Variants in FNDC3B observed in about 807,000 individuals in gnomAD.
FNDC3B encodes the protein fibronectin type III domain containing 3B.
FNDC3B carries 12 observed loss-of-function variants against 151.5 expected under a neutral mutation model. The ratio of observed to expected loss-of-function variants is 0.08; its 90% CI spans 0.05 to 0.13. The LOEUF (loss-of-function observed/expected upper bound fraction) is 0.13, where lower values mean the gene tolerates loss of function less well. Ranked by LOEUF, FNDC3B falls within the 10% of genes least tolerant of loss-of-function variation. The pLI, the probability that FNDC3B is intolerant of heterozygous loss-of-function variation, is 1.00. For missense variants in FNDC3B, 1,214 were observed against 1,505.3 expected, an observed-to-expected ratio of 0.81 and a Z score of 3.20; for synonymous variants, 528 against 549.0, an observed-to-expected ratio of 0.96 and a Z score of 0.54.
chr3:172,232,531 T>C (rs1726943591), intron 4 of FNDC3B, among the ~76,000 whole-genome samples: 1 of 152,212 alleles, frequency 6.6e-6, no homozygotes, highest in African/African-American at 2.4e-5. Flanking sequence ...TCATTTCAGC[T>C]TGGTGGTTTC....
chr3:172,102,901 GA>G (rs1352952224), intron 1 of FNDC3B, among the ~76,000 whole-genome samples: 1 of 152,132 alleles, frequency 6.6e-6, no homozygotes, highest in African/African-American at 2.4e-5. Context: ...AAATTTCACT[GA>G]AAATCTATAT....
At chr3:172,244,617 C>CTTTTTTTTTTTTTTTTTTT (rs11294678) in intron 4 of FNDC3B, among the ~76,000 whole-genome samples, 1 of 73,062 alleles carries the variant, frequency 1.4e-5, no homozygotes, top group Non-Finnish European at 2.3e-5. Context: ...AATATTTCAC[C>CTTTTTTTTTTTTTTTTTTT]TTTTTTTTTT....
At chr3:172,336,639 G>A (rs1220795474) in intron 15 of FNDC3B, among the ~76,000 whole-genome samples, 12 of 152,174 alleles carry the variant, frequency 7.9e-5, no homozygotes, top group Non-Finnish European at 1.8e-4. Flanking sequence ...GGTGGCTCAT[G>A]CCTGTAATCC....
rs186234347 is a variant in FNDC3B at position 172,239,379 on chromosome 3, G to A, written c.265-8154G>A. 3.2e-3 allele frequency among the ~76,000 whole-genome samples: 492 copies of A among 152,232 alleles called. 1 individual carries two copies. The highest frequency in any genetic ancestry group is 0.011 in the African/African-American group (469 of 41,524). On this transcript the variant is annotated intron_variant, in intron 4 of 25. Coordinates refer to ENST00000415807, the MANE Select transcript of FNDC3B (RefSeq NM_022763.4). Reference sequence around the variant, plus strand: ...ATCTTCTCTTCCTGGAATGACCTGGGATCCCACTTTAGGCATGTTGGCAGC... The same window carrying A: ...ATCTTCTCTTCCTGGAATGACCTGGAATCCCACTTTAGGCATGTTGGCAGC...
chr3:172,329,166 G>A, intron 12 of FNDC3B, 90 bp downstream of exon 12: 2 of 1,423,646 alleles, frequency 1.4e-6, no homozygotes, highest in Non-Finnish European at 1.9e-6. Context: ...GAGGAAGCCT[G>A]CTGCCTCCAC....
intron 4 of FNDC3B, among the ~76,000 whole-genome samples, chr3:172,239,856 C>CT (rs71179981): frequency 0.035 from 1,759 of 49,904 alleles, 447 homozygotes; most frequent in Middle Eastern, 0.071. Context: ...CATTTTAGTT[C>CT]TTTTTTTTTT....
Position 172,247,758 on chromosome 3 carries a change from A to T in FNDC3B, c.490A>T (p.Thr164Ser). Reference protein sequence around the residue: ...QFFPQHHLPHTIYGEQEIIPF... With the variant: ...QFFPQHHLPHSIYGEQEIIPF... Reference sequence around the variant, plus strand: ...TTTTCCCCAGCATCATCTTCCCCACACAATATATGGTGAGCAAGGTGAGTA... The same window carrying T: ...TTTTCCCCAGCATCATCTTCCCCACTCAATATATGGTGAGCAAGGTGAGTA... The change falls in exon 5 of 26, where the codon ACA becomes TCA. Residue 164 changes from threonine to serine, a missense_variant. Thr to Ser is a moderately conservative substitution (Grantham distance 58). Transcript: ENST00000415807. 1 of 1,614,096 alleles carries T rather than the reference A, an allele frequency of 6.2e-7. No individual in the cohort carries two copies. The highest frequency in any genetic ancestry group is 8.5e-7 in the Non-Finnish European group (1 of 1,180,006).
chr3:172,103,980 T>A (rs1719504939), intron 1 of FNDC3B, among the ~76,000 whole-genome samples: 1 of 152,206 alleles, frequency 6.6e-6, no homozygotes, highest in Non-Finnish European at 1.5e-5. Context: ...GCAAGAGTCT[T>A]TCTTGCACAG....
intron 25 of FNDC3B, among the ~76,000 whole-genome samples, chr3:172,396,195 AC>A (rs1736269275): frequency 6.6e-6 from 1 of 152,236 alleles, no homozygotes; most frequent in Non-Finnish European, 1.5e-5. Flanking sequence ...GTTATAAGGA[AC>A]TACTACCGAA....
chr3:172,247,655 C>A lies in FNDC3B; in HGVS notation c.387C>A (p.His129Gln). The change falls in exon 5 of 26, where the codon CAC (histidine) becomes CAA (glutamine). Residue 129 changes from histidine to glutamine, a missense_variant. Transcript: ENST00000415807. ...ATCATCTCCCTCCCTATCTGACTCA[C>A]CATCCACATTTTATTCATAACTCAC... is the stretch of plus-strand genomic sequence containing the variant. Reference protein sequence around the residue: ...PTHHLPPYLTHHPHFIHNSHT... With the variant: ...PTHHLPPYLTQHPHFIHNSHT... 1 of 1,614,110 alleles carries A rather than the reference C, an allele frequency of 6.2e-7. No individual in the cohort carries two copies. Among genetic ancestry groups the A allele is most frequent in the South Asian group, 1.1e-5 (1 of 91,082 alleles).
intron 21 of FNDC3B, among the ~76,000 whole-genome samples, chr3:172,348,030 T>C (rs889259586): frequency 1.3e-5 from 2 of 152,246 alleles, no homozygotes; most frequent in African/African-American, 2.4e-5. Context: ...AATAGAGTTC[T>C]TTGTCCTCCT....
intron 6 of FNDC3B, among the ~76,000 whole-genome samples, chr3:172,256,714 G>C (rs1298210897): frequency 1.3e-5 from 2 of 152,168 alleles, no homozygotes; most frequent in Admixed American, 1.3e-4. Context: ...TTTTCAGCCA[G>C]TTATAGCCCC....
At chr3:172,157,697 C>A (rs939808940) in intron 3 of FNDC3B, among the ~76,000 whole-genome samples, 1 of 152,090 alleles carries the variant, frequency 6.6e-6, no homozygotes, top group African/African-American at 2.4e-5. Context: ...CTTTGAGATC[C>A]ATTTGTTTTG....
rs1016518378 is a variant in FNDC3B at position 172,385,444 on chromosome 3, C to T, written c.3303+4351C>T. On this transcript the variant is annotated intron_variant, in intron 25 of 25. Coordinates refer to ENST00000415807, the MANE Select transcript of FNDC3B (RefSeq NM_022763.4). Reference sequence around the variant, plus strand: ...AAATGTTTCCTGCATGCATGAAAGACGCAGCTTCAAAGCACCAGGGTTATT... The same window carrying T: ...AAATGTTTCCTGCATGCATGAAAGATGCAGCTTCAAAGCACCAGGGTTATT... Among the ~76,000 whole-genome samples the T allele has an allele frequency of 1.2e-4, 19 of 152,156 alleles. No homozygotes were observed. In the East Asian group the frequency reaches 1.9e-3, roughly 15 times the overall value.
At chr3:172,092,807 G>T (rs993766009) in intron 1 of FNDC3B, among the ~76,000 whole-genome samples, 5 of 152,064 alleles carry the variant, frequency 3.3e-5, no homozygotes, top group African/African-American at 1.2e-4. Context: ...AAATACATTA[G>T]ATTTTTTTGT....
intron 3 of FNDC3B, among the ~76,000 whole-genome samples, chr3:172,157,099 C>A (rs1370292164): frequency 1.3e-5 from 2 of 152,110 alleles, no homozygotes; most frequent in Non-Finnish European, 2.9e-5. Context: ...CCATCTGGTC[C>A]CATTTATCTG....
At chr3:172,157,403 A>G (rs57201565) in intron 3 of FNDC3B, among the ~76,000 whole-genome samples, 3,177 of 152,266 alleles carry the variant, frequency 0.021, 107 homozygotes, top group African/African-American at 0.071. Context: ...AACATCTTGC[A>G]TAACTATATT....
At chr3:172,055,756 G>C (rs1023377400) in intron 1 of FNDC3B, among the ~76,000 whole-genome samples, 1 of 151,852 alleles carries the variant, frequency 6.6e-6, no homozygotes, top group African/African-American at 2.4e-5. Context: ...ACTGATGAAG[G>C]TGAGTGAGTT....
chr3:172,187,937 A>T (rs1248038901), intron 3 of FNDC3B, among the ~76,000 whole-genome samples: 1 of 151,974 alleles, frequency 6.6e-6, no homozygotes. Flanking sequence ...ATTAATTATA[A>T]TTCAACCCTA....
Sources: allele counts gnomAD v4.1 joint callset (sites outside exome capture counted in the v4.1 genomes callset), GRCh38; gene constraint gnomAD v4.1.1; transcripts MANE v1.5; gene names NCBI Gene and HGNC (gene_info 2026-07-23, HGNC 2026-07-21).